Variants in NTM observed in about 807,000 individuals in gnomAD.
NTM encodes the protein IgLON family member 2.
Under a neutral mutation model 42.1 loss-of-function variants are expected in NTM, and 13 were observed. That is an observed-to-expected ratio of 0.31 (90% CI 0.20 to 0.49). NTM has a LOEUF of 0.49. NTM is among the 20% of genes least tolerant of loss of function. NTM has a pLI of 0.99. For missense variants in NTM, 373 were observed against 452.8 expected, an observed-to-expected ratio of 0.82 and a Z score of 1.60; for synonymous variants, 187 against 179.2, an observed-to-expected ratio of 1.04 and a Z score of -0.35.
At chr11:131,906,412 C>A (rs559266502) in intron 1 of NTM, among the ~76,000 whole-genome samples, 127 of 152,202 alleles carry the variant, frequency 8.3e-4, no homozygotes, top group African/African-American at 3.0e-3. Flanking sequence ...CTACGATCAA[C>A]TCCTCCTCCT....
chr11:131,545,905 G>C (rs963102399), intron 1 of NTM, among the ~76,000 whole-genome samples: 3 of 152,122 alleles, frequency 2.0e-5, no homozygotes, highest in Non-Finnish European at 4.4e-5. Flanking sequence ...TGGCTGGGAG[G>C]GTTACAGTGA....
intron 1 of NTM, among the ~76,000 whole-genome samples, chr11:131,504,882 T>C (rs1024616540): frequency 6.6e-6 from 1 of 152,166 alleles, no homozygotes; most frequent in Non-Finnish European, 1.5e-5. Flanking sequence ...CTCTCCTCTT[T>C]TGGCAATTGG....
intron 1 of NTM, among the ~76,000 whole-genome samples, chr11:131,606,196 G>A (rs1052889902): frequency 6.6e-5 from 10 of 151,964 alleles, no homozygotes; most frequent in Non-Finnish European, 1.3e-4. Flanking sequence ...CCACCTTCAG[G>A]CACACACCAC....
At chr11:132,202,342 T>A (rs988195307) in intron 3 of NTM, among the ~76,000 whole-genome samples, 1 of 152,178 alleles carries the variant, frequency 6.6e-6, no homozygotes, top group African/African-American at 2.4e-5. Context: ...GTTTGGTGTT[T>A]CTTTTCTTCC....
chr11:131,472,293 C>G (rs1056589624), intron 1 of NTM, among the ~76,000 whole-genome samples: 1 of 152,180 alleles, frequency 6.6e-6, no homozygotes, highest in Non-Finnish European at 1.5e-5. Flanking sequence ...TCCGGTACCA[C>G]TCTTGCCCAG....
chr11:132,060,178 T>C (rs957151742), intron 2 of NTM, among the ~76,000 whole-genome samples: 1 of 152,218 alleles, frequency 6.6e-6, no homozygotes, highest in African/African-American at 2.4e-5. Context: ...TTTGGCATTA[T>C]ACGTCTTCCC....
chr11:131,650,540 G>A (rs1490889333), intron 1 of NTM, among the ~76,000 whole-genome samples: 1 of 152,160 alleles, frequency 6.6e-6, no homozygotes, highest in Non-Finnish European at 1.5e-5. Context: ...ATGAAAAACA[G>A]TAAAAATAAC....
intron 1 of NTM, among the ~76,000 whole-genome samples, chr11:131,625,141 G>T (rs918515920): frequency 6.6e-6 from 1 of 152,134 alleles, no homozygotes; most frequent in African/African-American, 2.4e-5. Context: ...ACCTTGTAGA[G>T]GAAACCACAT....
Position 132,003,658 on chromosome 11 carries a change from G to T in NTM, c.167+92010G>T, listed in dbSNP as rs887575908. On this transcript the variant is annotated intron_variant, in intron 2 of 8. Transcript: ENST00000683400. The surrounding 1 kb of genome is among the most constrained non-coding windows in gnomAD (Gnocchi z 6.0). The stretch of plus-strand genomic sequence containing the variant: ...TCTGTTGTTCACTCAAGAAGAAAAG[G>T]CTTTTCCTGGTAGGTCTGTCTGTAG... 2.6e-5 allele frequency among the ~76,000 whole-genome samples: 4 copies of T among 152,064 alleles called. No homozygotes were observed. The highest frequency in any genetic ancestry group is 5.9e-5 in the Non-Finnish European group (4 of 68,024).
intron 4 of NTM, among the ~76,000 whole-genome samples, chr11:132,280,201 T>C (rs2093915542): frequency 6.6e-6 from 1 of 152,202 alleles, no homozygotes; most frequent in South Asian, 2.1e-4. Context: ...AGGGCAGGGA[T>C]TGTGATTTAC....
chr11:132,114,417 T>C (rs1455596306), intron 2 of NTM, among the ~76,000 whole-genome samples: 1 of 152,160 alleles, frequency 6.6e-6, no homozygotes, highest in Non-Finnish European at 1.5e-5. Flanking sequence ...GTTGGCTGCC[T>C]TGGTTGGATT....
At chr11:131,892,514 T>A (rs2051526774) in intron 1 of NTM, among the ~76,000 whole-genome samples, 1 of 152,250 alleles carries the variant, frequency 6.6e-6, no homozygotes, top group African/African-American at 2.4e-5. Flanking sequence ...AGGCATGCAG[T>A]GCTTTGCCCC....
At chr11:131,544,834 T>A (rs1269659584) in intron 1 of NTM, among the ~76,000 whole-genome samples, 2 of 152,180 alleles carry the variant, frequency 1.3e-5, no homozygotes, top group Admixed American at 6.5e-5. Context: ...TCCAGGCGAA[T>A]CTCTGGTCAT....
At chr11:131,894,379 A>G (rs190431974) in intron 1 of NTM, among the ~76,000 whole-genome samples, 9 of 152,304 alleles carry the variant, frequency 5.9e-5, no homozygotes, top group Non-Finnish European at 1.2e-4. Flanking sequence ...TGGCCCTTCC[A>G]CATAAGAAAG....
intron 1 of NTM, among the ~76,000 whole-genome samples, chr11:131,508,098 A>G (rs937210354): frequency 6.8e-6 from 1 of 147,786 alleles, no homozygotes; most frequent in Non-Finnish European, 1.5e-5. Context: ...GTGAACAGGC[A>G]ACCTACAAAA....
At chr11:131,504,042 G>C (rs2047174179) in intron 1 of NTM, among the ~76,000 whole-genome samples, 1 of 152,130 alleles carries the variant, frequency 6.6e-6, no homozygotes, top group East Asian at 1.9e-4. Context: ...AAAAGGTGCT[G>C]ATCCAGCTGT....
At chr11:132,330,956 G>A (rs1017019248) in intron 8 of NTM, among the ~76,000 whole-genome samples, 1 of 152,180 alleles carries the variant, frequency 6.6e-6, no homozygotes. Flanking sequence ...TGTGGTCCAC[G>A]CCCACCTGGA....
chr11:131,849,818 T>C (rs1290087869), intron 1 of NTM, among the ~76,000 whole-genome samples: 2 of 130,876 alleles, frequency 1.5e-5, no homozygotes, highest in African/African-American at 5.7e-5. Context: ...CCGGGGACTG[T>C]TGTGGGGTGG....
chr11:131,537,684 C>T (rs1278983936), intron 1 of NTM: 2 of 152,334 alleles, frequency 1.3e-5, no homozygotes, highest in Non-Finnish European at 2.9e-5. Flanking sequence ...GCAGGAGAGG[C>T]TTTGGCTGCC....
Sources: gnomAD v4.1 joint callset for allele counts (sites outside exome capture counted in the v4.1 genomes callset) on GRCh38, gnomAD v4.1.1 for gene constraint, Gnocchi (gnomAD v3.1) non-coding constraint, MANE v1.5 for transcripts, NCBI Gene and HGNC (gene_info 2026-07-23, HGNC 2026-07-21) for gene names.